The following NEDD4L variants were observed in gnomAD, a reference collection of about 807,000 sequenced individuals.
NEDD4L encodes the protein NEDD4 like E3 ubiquitin protein ligase.
Under a neutral mutation model 148.9 loss-of-function variants are expected in NEDD4L, and 54 were observed. The observed-to-expected ratio is 0.36, with a 90% CI of 0.29 to 0.45. The LOEUF (loss-of-function observed/expected upper bound fraction) is 0.45. NEDD4L is among the 20% of genes least tolerant of loss of function. The probability of loss-of-function intolerance (pLI) is 1.00; values close to 1 mark genes in which losing one functional copy is unlikely to be tolerated. For missense variants in NEDD4L, 856 were observed against 1,233.8 expected (o/e 0.69, Z 4.59); for synonymous variants, 433 against 440.7 (o/e 0.98, Z 0.22).
chr18:58,058,948 C>T (rs879465012), intron 1 of NEDD4L, among the ~76,000 whole-genome samples: 1 of 152,216 alleles, frequency 6.6e-6, no homozygotes, highest in Non-Finnish European at 1.5e-5. Context: ...CCGAATCAGA[C>T]CCCTTGACCG....
chr18:58,307,923 T>A (rs141273760), intron 5 of NEDD4L, among the ~76,000 whole-genome samples: 17 of 152,340 alleles, frequency 1.1e-4, no homozygotes, highest in African/African-American at 3.6e-4. Context: ...AGAAGTATCA[T>A]TGCTATTTTT....
intron 2 of NEDD4L, among the ~76,000 whole-genome samples, chr18:58,177,898 A>G (rs1054498362): frequency 6.6e-6 from 1 of 152,266 alleles, no homozygotes; most frequent in South Asian, 2.1e-4. Context: ...GCAAATTCTT[A>G]AATGGTAAAT....
rs1060504953 is a variant in NEDD4L at position 58,333,829 on chromosome 18, C to G, written c.1002C>G (p.Pro334=). 4.3e-5 allele frequency: 69 copies of G among 1,613,322 alleles called. No individual in the cohort carries two copies. Among genetic ancestry groups the G allele is most frequent in the Middle Eastern group, 3.3e-4 (2 of 6,084 alleles). The change falls in exon 12 of 31, where the codon CCC becomes CCG. Residue 334 remains proline, a synonymous_variant. Coordinates refer to ENST00000400345, the MANE Select transcript of NEDD4L (RefSeq NM_001144967.3). ...TCCTCTCCTTCCAGCAAAGAGAACC[C>G]TCCTCAAGGTTGAGGTCATGCAGTG... is the stretch of plus-strand genomic sequence containing the variant. The part of the protein sequence containing the change: ...EQFSSLIQRE[P]SSRLRSCSVT...
At chr18:58,324,358 C>T (rs925912859) in intron 8 of NEDD4L, among the ~76,000 whole-genome samples, 3 of 152,182 alleles carry the variant, frequency 2.0e-5, no homozygotes, top group African/African-American at 4.8e-5. Context: ...CCATGAAACC[C>T]GTTGGTGTGG....
intron 2 of NEDD4L, chr18:58,221,656 A>C (rs903641552): frequency 1.0e-6 from 1 of 985,342 alleles, no homozygotes; most frequent in African/African-American, 1.7e-5. Context: ...GAGGAAGACG[A>C]GGCCAGGGAG....
chr18:58,377,403 T>C (rs79230109), intron 24 of NEDD4L, among the ~76,000 whole-genome samples: 1 of 152,200 alleles, frequency 6.6e-6, no homozygotes, highest in Admixed American at 6.5e-5. Flanking sequence ...TCTTTTTTTT[T>C]AATTTCACAG....
chr18:58,100,587 A>C (rs111820790), intron 1 of NEDD4L, among the ~76,000 whole-genome samples: 60 of 152,280 alleles, frequency 3.9e-4, no homozygotes, highest in African/African-American at 1.3e-3. Context: ...GCTTGGCTAA[A>C]GCATTCCAGA....
intron 18 of NEDD4L, among the ~76,000 whole-genome samples, chr18:58,354,401 A>G (rs1195621090): frequency 2.0e-5 from 3 of 152,198 alleles, no homozygotes; most frequent in African/African-American, 4.8e-5. Flanking sequence ...TATTGGAAAT[A>G]TATCTCAAAG....
chr18:58,180,730 CTG>C (rs2146966060), intron 2 of NEDD4L, among the ~76,000 whole-genome samples: 1 of 152,378 alleles, frequency 6.6e-6, no homozygotes. Flanking sequence ...TAAAAGTCCT[CTG>C]TGAGTGCCCA....
At chr18:58,045,425 A>T in intron 1 of NEDD4L, 1 of 327,076 alleles carries the variant, frequency 3.1e-6, no homozygotes. Context: ...TGGGGAGAGG[A>T]AAGCTTAATT....
At chr18:58,195,938 AT>A (rs1193643376) in intron 2 of NEDD4L, among the ~76,000 whole-genome samples, 13 of 152,194 alleles carry the variant, frequency 8.5e-5, no homozygotes, top group African/African-American at 2.9e-4. Context: ...CAGTGAAAAC[AT>A]TTTAATTATT....
intron 2 of NEDD4L, among the ~76,000 whole-genome samples, chr18:58,179,611 C>T (rs1180397549): frequency 6.6e-6 from 1 of 152,086 alleles, no homozygotes; most frequent in Non-Finnish European, 1.5e-5. Flanking sequence ...TCCGCTGCCT[C>T]TCGGATCAGC....
intron 1 of NEDD4L, among the ~76,000 whole-genome samples, chr18:58,077,596 A>T (rs139186082): frequency 2.0e-5 from 3 of 152,220 alleles, no homozygotes; most frequent in African/African-American, 7.2e-5. Flanking sequence ...AAGCGCCATG[A>T]TAGTTTCTGA....
rs1466765753 is a variant in NEDD4L at position 58,398,641 on chromosome 18, A to T, written c.*2372A>T. ...CCTTAATAATATCAGCTTAATTTTA[A>T]TGACAACTAAATATGCTGAAGTGAG... On this transcript the variant is annotated 3_prime_UTR_variant, in exon 31 of 31. Coordinates refer to ENST00000400345, the MANE Select transcript of NEDD4L (RefSeq NM_001144967.3). The T allele has an allele frequency of 6.6e-6, 1 of 152,242 alleles. No homozygotes were observed. Among genetic ancestry groups the T allele is most frequent in the South Asian group, 2.1e-4 (1 of 4,834 alleles). The allele number at this position is 152,242 out of a possible 1,614,324, so 9.4% of individuals were successfully genotyped here.
chr18:58,098,999 T>C (rs560529203), intron 1 of NEDD4L, among the ~76,000 whole-genome samples: 1 of 152,336 alleles, frequency 6.6e-6, no homozygotes, highest in South Asian at 2.1e-4. Flanking sequence ...ATGACGAGTT[T>C]TACTTGCCAC....
intron 1 of NEDD4L, among the ~76,000 whole-genome samples, chr18:58,072,953 A>G (rs2082960781): frequency 6.6e-6 from 1 of 152,144 alleles, no homozygotes; most frequent in South Asian, 2.1e-4. Context: ...ATACAAGAAC[A>G]TTGAAGCATC....
chr18:58,192,985 C>G (rs2040280042), intron 2 of NEDD4L, among the ~76,000 whole-genome samples: 1 of 152,176 alleles, frequency 6.6e-6, no homozygotes, highest in South Asian at 2.1e-4. Context: ...CAACACAGCA[C>G]AACAGCATGT....
At chr18:58,152,375 A>T (rs1461310360) in intron 1 of NEDD4L, among the ~76,000 whole-genome samples, 1 of 152,018 alleles carries the variant, frequency 6.6e-6, no homozygotes, top group Admixed American at 6.6e-5. Context: ...GCTGGGGAGG[A>T]AAGGGGTTAG....
chr18:58,335,937 A>G (rs539293152), intron 13 of NEDD4L: 21 of 192,226 alleles, frequency 1.1e-4, no homozygotes, highest in African/African-American at 5.0e-4. Context: ...TGATTCCTGG[A>G]TGTGCCCAGG....
Sources: gnomAD v4.1 joint callset for allele counts (sites outside exome capture counted in the v4.1 genomes callset) on GRCh38, gnomAD v4.1.1 for gene constraint, MANE v1.5 for transcripts, NCBI Gene and HGNC (gene_info 2026-07-23, HGNC 2026-07-21) for gene names.